RGS20: variants seen among roughly 807,000 people sequenced by gnomAD.
RGS20 encodes regulator of G protein signaling 20, also known as gz-selective GTPase-activating protein.
A neutral mutation model predicts 33.6 loss-of-function variants in RGS20; 30 were observed. That is an observed-to-expected ratio of 0.89 (90% CI 0.67 to 1.21). The LOEUF (loss-of-function observed/expected upper bound fraction) is 1.21. RGS20 is among the 50% of genes most tolerant of loss of function. The probability of loss-of-function intolerance (pLI) is 0.00; values close to 1 mark genes in which losing one functional copy is unlikely to be tolerated. For missense variants in RGS20, 472 were observed against 502.4 expected (o/e 0.94, Z 0.58); for synonymous variants, 208 against 197.9 (o/e 1.05, Z -0.43).
chr8:53,915,658 G>A (rs916997960), intron 2 of RGS20, among the ~76,000 whole-genome samples: 2 of 152,186 alleles, frequency 1.3e-5, no homozygotes, highest in South Asian at 2.1e-4. Context: ...CAGGCAGTCC[G>A]GAGGGAAGCT....
intron 2 of RGS20, among the ~76,000 whole-genome samples, chr8:53,922,134 GT>G (rs1328521482): frequency 2.0e-5 from 3 of 151,814 alleles, no homozygotes; most frequent in Non-Finnish European, 4.4e-5. Context: ...TGAATTGTCG[GT>G]TTTTCCCTTC....
chr8:53,873,007 C>G (rs1004939458), intron 1 of RGS20, among the ~76,000 whole-genome samples: 1 of 152,074 alleles, frequency 6.6e-6, no homozygotes, highest in Non-Finnish European at 1.5e-5. Flanking sequence ...GAGGCATGAC[C>G]TGGTAGGAGG....
At chr8:53,883,416 C>T (rs1015317020) in intron 2 of RGS20, among the ~76,000 whole-genome samples, 4 of 151,942 alleles carry the variant, frequency 2.6e-5, no homozygotes, top group Non-Finnish European at 5.9e-5. Context: ...CGCCTGCCTC[C>T]GCCTCCCAAA....
Position 53,869,088 on chromosome 8 carries a change from A to T in RGS20, c.166-10170A>T, listed in dbSNP as rs16919623. On this transcript the variant is annotated intron_variant, in intron 1 of 5. Coordinates refer to ENST00000297313, the MANE Select transcript of RGS20 (RefSeq NM_170587.4). Reference sequence around the variant, plus strand: ...TTTTTATAGAGCTGGGGATCCCAGAAAAACATTCTAAAACTTCAAAAGTGA... The same window carrying T: ...TTTTTATAGAGCTGGGGATCCCAGATAAACATTCTAAAACTTCAAAAGTGA... Among the ~76,000 whole-genome samples the T allele has an allele frequency of 3.8e-3, 577 of 152,326 alleles. 10 individuals are homozygous for T. The highest frequency in any genetic ancestry group is 0.013 in the African/African-American group (551 of 41,570).
chr8:53,947,125 TTA>T (rs1329755816), intron 4 of RGS20, among the ~76,000 whole-genome samples: 4 of 146,934 alleles, frequency 2.7e-5, no homozygotes, highest in Admixed American at 2.1e-4. Flanking sequence ...GCATATATAC[TTA>T]TATATGCTAT....
intron 2 of RGS20, 142 bp downstream of exon 1, chr8:53,881,226 G>A: frequency 1.6e-6 from 1 of 609,912 alleles, no homozygotes; most frequent in Non-Finnish European, 2.6e-6. Flanking sequence ...GCGGGAGCCG[G>A]TGCGAGTCGG....
At chr8:53,893,175 G>C (rs1812763462) in intron 2 of RGS20, among the ~76,000 whole-genome samples, 1 of 152,004 alleles carries the variant, frequency 6.6e-6, no homozygotes. Flanking sequence ...AAGAATAGCT[G>C]GTTGACCTTT....
chr8:53,951,909 CG>C (rs1814717763), intron 4 of RGS20, among the ~76,000 whole-genome samples: 1 of 151,274 alleles, frequency 6.6e-6, no homozygotes, highest in Admixed American at 6.6e-5. Context: ...CCCAGCTAGT[CG>C]GGAGGCTGAG....
At chr8:53,884,540 G>A (rs971429696) in intron 2 of RGS20, among the ~76,000 whole-genome samples, 8 of 152,114 alleles carry the variant, frequency 5.3e-5, no homozygotes, top group African/African-American at 1.9e-4. Flanking sequence ...TGAAAATCAG[G>A]TTACTTATTC....
intron 2 of RGS20, among the ~76,000 whole-genome samples, chr8:53,938,060 TTC>T (rs1318558960): frequency 2.0e-5 from 3 of 152,188 alleles, no homozygotes; most frequent in Non-Finnish European, 2.9e-5. Context: ...TTAGAAATCA[TTC>T]TACTATAAAG....
chr8:53,904,797 C>A (rs976316421), intron 2 of RGS20, among the ~76,000 whole-genome samples: 2 of 152,164 alleles, frequency 1.3e-5, no homozygotes, highest in African/African-American at 4.8e-5. Context: ...ACAAAATGGT[C>A]CTTCGTTGTT....
intron 2 of RGS20, among the ~76,000 whole-genome samples, chr8:53,929,675 A>C (rs1226336318): frequency 6.6e-6 from 1 of 152,198 alleles, no homozygotes; most frequent in Non-Finnish European, 1.5e-5. Context: ...TATCAAAAAA[A>C]ATGTTTAATA....
At chr8:53,931,804 G>A (rs1813973101) in intron 2 of RGS20, among the ~76,000 whole-genome samples, 1 of 152,096 alleles carries the variant, frequency 6.6e-6, no homozygotes, top group Non-Finnish European at 1.5e-5. Flanking sequence ...AAGGTGTCAG[G>A]GAACTCCCTC....
At chr8:53,957,137 T>C (rs952620331) in intron 5 of RGS20, among the ~76,000 whole-genome samples, 1 of 152,178 alleles carries the variant, frequency 6.6e-6, no homozygotes, top group African/African-American at 2.4e-5. Flanking sequence ...TTGTTTTGTT[T>C]TGTTTTTGAG....
intron 5 of RGS20, among the ~76,000 whole-genome samples, chr8:53,954,874 G>C (rs1318748581): frequency 1.3e-5 from 2 of 150,850 alleles, no homozygotes; most frequent in African/African-American, 4.9e-5. Context: ...TTTTAGTAGA[G>C]ACAGGGTTTC....
Position 53,918,428 on chromosome 8 carries a change from G to C in RGS20, c.511-21148G>C, listed in dbSNP as rs115941689. ...TTTGAGACGGAGCTTTGCTCTTGTT[G>C]CCCGGGCCGAAGTACAATGGTGCAA... On this transcript the variant is annotated intron_variant, in intron 2 of 5. Transcript: ENST00000297313. Among the ~76,000 whole-genome samples, 511 of 144,932 alleles carry C rather than the reference G, an allele frequency of 3.5e-3. 4 individuals are homozygous for C. Among genetic ancestry groups the C allele is most frequent in the African/African-American group, 0.014 (490 of 35,836 alleles).
chr8:53,859,994 T>C (rs529646336), intron 1 of RGS20, among the ~76,000 whole-genome samples: 53 of 152,282 alleles, frequency 3.5e-4, no homozygotes, highest in African/African-American at 1.3e-3. Context: ...AGCCAAACCA[T>C]ATCGGGGAGT....
intron 2 of RGS20, among the ~76,000 whole-genome samples, chr8:53,896,088 C>T (rs1000494352): frequency 3.3e-5 from 5 of 152,076 alleles, no homozygotes; most frequent in Non-Finnish European, 2.9e-5. Flanking sequence ...TGAAACCAGC[C>T]TGGGCAACAA....
At chr8:53,889,729 G>C (rs1334440999) in intron 2 of RGS20, among the ~76,000 whole-genome samples, 1 of 138,932 alleles carries the variant, frequency 7.2e-6, no homozygotes, top group Non-Finnish European at 1.5e-5. Flanking sequence ...AATTCTGTGT[G>C]TGTGTGTGTG....
Sources: allele counts gnomAD v4.1 joint callset (sites outside exome capture counted in the v4.1 genomes callset), GRCh38; gene constraint gnomAD v4.1.1; transcripts MANE v1.5; gene names NCBI Gene and HGNC (gene_info 2026-07-23, HGNC 2026-07-21).